The following SAMD5 variants were observed in gnomAD, a reference collection of about 807,000 sequenced individuals.
SAMD5 encodes sterile alpha motif domain-containing protein 5.
A neutral mutation model predicts 11.3 loss-of-function variants in SAMD5; 13 were observed. That is an observed-to-expected ratio of 1.15 (90% confidence interval 0.75 to 1.83). The LOEUF (loss-of-function observed/expected upper bound fraction) is 1.83. Ranked by LOEUF, SAMD5 falls within the 40% of genes most tolerant of loss-of-function variation. The pLI is 0.00. For synonymous variants in SAMD5, 129 were observed against 111.3 expected, an observed-to-expected ratio of 1.16 and a Z score of -1.00; for missense variants, 255 against 239.1, an observed-to-expected ratio of 1.07 and a Z score of -0.44.
chr6:147,725,023 A>G (rs1791606125), intron 1 of SAMD5, among the ~76,000 whole-genome samples: 1 of 152,230 alleles, frequency 6.6e-6, no homozygotes, highest in Non-Finnish European at 1.5e-5. Context: ...GTTGATAGGC[A>G]TAAACTTGAT....
intron 1 of SAMD5, among the ~76,000 whole-genome samples, chr6:147,639,986 T>C (rs1790285859): frequency 6.6e-6 from 1 of 152,148 alleles, no homozygotes; most frequent in African/African-American, 2.4e-5. Flanking sequence ...ATTTGAAATC[T>C]GAATTGTTCA....
the SAMD5 span, among the ~76,000 whole-genome samples, chr6:147,804,248 C>G: frequency 6.6e-6 from 1 of 151,850 alleles, no homozygotes; most frequent in Admixed American, 6.6e-5. Flanking sequence ...GCTGGGACTA[C>G]AGGTGCACAC....
the SAMD5 span, among the ~76,000 whole-genome samples, chr6:147,783,869 A>G: frequency 2.0e-5 from 3 of 152,164 alleles, no homozygotes; most frequent in African/African-American, 4.8e-5. Flanking sequence ...AATCAATGCT[A>G]TTGACAGCAT....
the SAMD5 span, among the ~76,000 whole-genome samples, chr6:147,788,632 G>T: frequency 6.6e-6 from 1 of 152,172 alleles, no homozygotes; most frequent in Non-Finnish European, 1.5e-5. Context: ...AGTTGATATA[G>T]CGTAGTGGTT....
the SAMD5 span, among the ~76,000 whole-genome samples, chr6:147,809,141 C>A: frequency 5.9e-5 from 9 of 152,146 alleles, no homozygotes; most frequent in South Asian, 1.9e-3. Context: ...ATCTTTTTTG[C>A]CATTTGTCAA....
At chr6:147,612,445 CA>C (rs1325767343) in intron 1 of SAMD5, among the ~76,000 whole-genome samples, 2 of 152,048 alleles carry the variant, frequency 1.3e-5, no homozygotes, top group Admixed American at 1.3e-4. Context: ...ATTTAAAAAC[CA>C]AAACCTAATT....
intron 1 of SAMD5, among the ~76,000 whole-genome samples, chr6:147,551,350 C>A (rs6917297): frequency 0.41 from 63,025 of 151,946 alleles, 13,572 homozygotes; most frequent in East Asian, 0.55. Context: ...AAGGAAAATG[C>A]TCTACTTTGT....
chr6:147,551,103 G>A lies in SAMD5; in HGVS notation c.460-13291G>A, dbSNP rs1029283749. The stretch of plus-strand genomic sequence containing the variant: ...GTAATACCTTGCTGCCCTTCCACTC[G>A]AAGTTCTCAGACCACTGACAGCGCC... On this transcript the variant is annotated intron_variant, in intron 1 of 1. Transcript: ENST00000367474. Among the ~76,000 whole-genome samples the A allele has an allele frequency of 2.6e-5, 4 of 152,158 alleles. No homozygotes were observed. The South Asian group carries it at 6.2e-4, about 24-fold the overall frequency.
rs527783557 is a variant in SAMD5, at chr6:147,580,382, A to T, written c.162+70995A>T. Among the ~76,000 whole-genome samples, 10 of 152,344 alleles carry T rather than the reference A, an allele frequency of 6.6e-5. No homozygotes were observed. In the South Asian group the frequency reaches 1.2e-3, roughly 19 times the overall value. On this transcript the variant is annotated intron_variant, in intron 1 of 1. Coordinates refer to the SAMD5 transcript ENST00000566741. ...TCCTCTTACGTTATAAAGGCCAAAGACATAGTTATTTCCATTGTAAATTCA... is the reference window on the plus strand; with the variant it reads ...TCCTCTTACGTTATAAAGGCCAAAGTCATAGTTATTTCCATTGTAAATTCA...
At chr6:147,848,781 A>G in the SAMD5 span, among the ~76,000 whole-genome samples, 4 of 152,196 alleles carry the variant, frequency 2.6e-5, no homozygotes, top group Admixed American at 6.5e-5. Flanking sequence ...CTGCTCCACA[A>G]TTCAGATCAG....
At chr6:147,631,008 C>A (rs1400849732) in intron 1 of SAMD5, among the ~76,000 whole-genome samples, 3 of 151,642 alleles carry the variant, frequency 2.0e-5, no homozygotes, top group Non-Finnish European at 4.4e-5. Flanking sequence ...GATCCTTCAC[C>A]CTTAGTGGCA....
At chr6:147,816,098 G>A in the SAMD5 span, among the ~76,000 whole-genome samples, 1 of 151,110 alleles carries the variant, frequency 6.6e-6, no homozygotes, top group Non-Finnish European at 1.5e-5. Flanking sequence ...GGCTAACGTG[G>A]TGAAACCCCT....
chr6:147,747,580 A>G, the SAMD5 span, among the ~76,000 whole-genome samples: 1 of 152,148 alleles, frequency 6.6e-6, no homozygotes, highest in Non-Finnish European at 1.5e-5. Flanking sequence ...GCACAATCTC[A>G]GTTCACTGCA....
the SAMD5 span, among the ~76,000 whole-genome samples, chr6:147,790,452 T>C: frequency 6.6e-6 from 1 of 152,260 alleles, no homozygotes; most frequent in African/African-American, 2.4e-5. Flanking sequence ...TAGGTAGGAC[T>C]ATTGCCTTGC....
the SAMD5 span, among the ~76,000 whole-genome samples, chr6:147,804,129 T>TTTG: frequency 3.8e-3 from 517 of 135,458 alleles, 2 homozygotes; most frequent in African/African-American, 0.013. Context: ...TTTTTTTTTT[T>TTTG]GATACAGTCT....
At chr6:147,814,161 A>G in the SAMD5 span, among the ~76,000 whole-genome samples, 1 of 152,184 alleles carries the variant, frequency 6.6e-6, no homozygotes, top group East Asian at 1.9e-4. Flanking sequence ...AAACATTAGT[A>G]TGCTTCATTT....
At chr6:147,803,144 TGTGTGTGTG>T in the SAMD5 span, among the ~76,000 whole-genome samples, 749 of 112,746 alleles carry the variant, frequency 6.6e-3, 6 homozygotes, top group African/African-American at 0.022. Context: ...TGTGTGTGTG[TGTGTGTGTG>T]TGTGTGTGTG....
At chr6:147,710,067 G>A (rs1484557852) in intron 1 of SAMD5, among the ~76,000 whole-genome samples, 1 of 152,176 alleles carries the variant, frequency 6.6e-6, no homozygotes, top group Non-Finnish European at 1.5e-5. Flanking sequence ...CCTGTTGTCA[G>A]TCAGTCAGAA....
chr6:147,640,858 T>A (rs1431913413), intron 1 of SAMD5, among the ~76,000 whole-genome samples: 2 of 152,238 alleles, frequency 1.3e-5, no homozygotes, highest in Non-Finnish European at 2.9e-5. Flanking sequence ...GAGGACTTTG[T>A]CTTTAAGATC....
Sources: allele counts gnomAD v4.1 joint callset (sites outside exome capture counted in the v4.1 genomes callset), GRCh38; gene constraint gnomAD v4.1.1; transcripts MANE v1.5; gene names NCBI Gene and HGNC (gene_info 2026-07-23, HGNC 2026-07-21).